The following ATAD2B variants were observed in gnomAD, a reference collection of about 807,000 sequenced individuals.
ATAD2B encodes ATPase family AAA domain-containing protein 2B.
ATAD2B carries 40 observed loss-of-function variants against 167.6 expected under a neutral mutation model. The observed-to-expected ratio is 0.24, with a 90% CI of 0.19 to 0.31. ATAD2B has a LOEUF of 0.31. Among genes scored for constraint, ATAD2B ranks in the 10% least tolerant of loss-of-function variants. ATAD2B has a pLI of 1.00. For synonymous variants in ATAD2B, 579 were observed against 596.5 expected (o/e 0.97, Z 0.43); for missense variants, 1,242 against 1,757.2 (o/e 0.71, Z 5.24).
At chr2:23,689,105 C>G in the ATAD2B span, 1 of 152,354 alleles carries the variant, frequency 6.6e-6, no homozygotes, top group African/African-American at 2.4e-5. Flanking sequence ...AGCCCTCGCC[C>G]TCTGGGGCCT....
At chr2:23,853,608 C>T (rs928576633) in intron 13 of ATAD2B, among the ~76,000 whole-genome samples, 21 of 152,142 alleles carry the variant, frequency 1.4e-4, no homozygotes, top group Non-Finnish European at 2.2e-4. Context: ...GACTGAAAGA[C>T]GAATAAGGAT....
chr2:23,880,771 CA>C lies in ATAD2B; in HGVS notation c.785-17del. 1 of 1,457,610 alleles carries C rather than the reference CA, an allele frequency of 6.9e-7. No individual in the cohort carries two copies. The highest frequency in any genetic ancestry group is 9.5e-7 in the Non-Finnish European group (1 of 1,052,284). 90.3% of individuals were successfully genotyped at this position (1,457,610 alleles called of 1,614,324 possible). A position where few individuals can be genotyped will look rare whatever the true frequency, so the allele number is the denominator to read the frequency against. ...TCTTGAGATTCTAGTTTCCCACACA[CA>C]AAAAGAAAAGAAAAAGGCATTATTT... On this transcript the variant is annotated splice_polypyrimidine_tract_variant and intron_variant, in intron 6 of 27. Coordinates refer to ENST00000238789, the MANE Select transcript of ATAD2B (RefSeq NM_017552.4).
intron 8 of ATAD2B, among the ~76,000 whole-genome samples, chr2:23,870,233 A>T (rs924765495): frequency 2.0e-5 from 3 of 151,002 alleles, no homozygotes; most frequent in Non-Finnish European, 4.4e-5. Context: ...GGAGAATAGA[A>T]AGCCTAAAGT....
chr2:23,742,200 C>G, the ATAD2B span, among the ~76,000 whole-genome samples: 2 of 152,206 alleles, frequency 1.3e-5, no homozygotes, highest in East Asian at 3.8e-4. Flanking sequence ...CATCCCATTA[C>G]TGGGTATATA....
At chr2:23,806,269 C>T (rs1052524562) in intron 18 of ATAD2B, 1 of 152,086 alleles carries the variant, frequency 6.6e-6, no homozygotes, top group Non-Finnish European at 1.5e-5. Flanking sequence ...ATTTGTTTTG[C>T]TTTTTCCCCT....
At chr2:23,720,689 A>G in the ATAD2B span, among the ~76,000 whole-genome samples, 1 of 151,876 alleles carries the variant, frequency 6.6e-6, no homozygotes, top group Non-Finnish European at 1.5e-5. Flanking sequence ...TTCCCATCAC[A>G]GGGAAAAGGT....
intron 1 of ATAD2B, among the ~76,000 whole-genome samples, chr2:23,918,683 T>C (rs148236927): frequency 3.1e-4 from 47 of 151,650 alleles, no homozygotes; most frequent in African/African-American, 1.1e-3. Context: ...AAACAGTAGG[T>C]ATACTTACAG....
the ATAD2B span, among the ~76,000 whole-genome samples, chr2:23,699,199 G>T: frequency 2.5e-4 from 38 of 152,306 alleles, no homozygotes; most frequent in African/African-American, 8.9e-4. Context: ...AGCTTCCTGG[G>T]CTCTGGGCTG....
intron 12 of ATAD2B, among the ~76,000 whole-genome samples, chr2:23,858,066 G>A (rs1304039102): frequency 6.6e-6 from 1 of 150,584 alleles, no homozygotes; most frequent in Non-Finnish European, 1.5e-5. Flanking sequence ...TTTTAAACAC[G>A]CATGATAGCA....
At chr2:23,767,606 A>G (rs1363657031) in intron 22 of ATAD2B, among the ~76,000 whole-genome samples, 2 of 152,228 alleles carry the variant, frequency 1.3e-5, no homozygotes, top group Admixed American at 6.5e-5. Context: ...AAAATCATTG[A>G]AAAGATCTGC....
At chr2:23,706,468 T>C in the ATAD2B span, 1 of 1,467,078 alleles carries the variant, frequency 6.8e-7, no homozygotes, top group African/African-American at 1.4e-5. Context: ...CTGTCCCCGC[T>C]TTCCCCCAAC....
In ATAD2B at chr2:23,913,826, G is replaced by A. The variant is rs570534563; in HGVS notation, c.216+12729C>T. On this transcript the variant is annotated intron_variant, in intron 1 of 27. Coordinates refer to ENST00000238789, the MANE Select transcript of ATAD2B (RefSeq NM_017552.4). ...TAGTATGAAAAATAGTATTGGCCTGGTAGAACGGCTCATGCCTGTAATCCC... is the reference window on the plus strand; with the variant it reads ...TAGTATGAAAAATAGTATTGGCCTGATAGAACGGCTCATGCCTGTAATCCC... Among the ~76,000 whole-genome samples the A allele has an allele frequency of 7.9e-5, 12 of 152,206 alleles. No individual in the cohort carries two copies. In the South Asian group the frequency reaches 2.1e-3, roughly 26 times the overall value.
At chr2:23,834,881 C>T (rs1235474442) in intron 13 of ATAD2B, among the ~76,000 whole-genome samples, 1 of 152,020 alleles carries the variant, frequency 6.6e-6, no homozygotes. Flanking sequence ...AGTGAGACCC[C>T]ATCTCCAAAA....
chr2:23,755,247 C>G (rs1431784461), intron 25 of ATAD2B, among the ~76,000 whole-genome samples: 2 of 152,144 alleles, frequency 1.3e-5, no homozygotes, highest in African/African-American at 4.8e-5. Context: ...AATTTCTTGT[C>G]TGTTACACTG....
chr2:23,838,972 G>A (rs1225428776), intron 13 of ATAD2B, among the ~76,000 whole-genome samples: 1 of 152,080 alleles, frequency 6.6e-6, no homozygotes, highest in Non-Finnish European at 1.5e-5. Context: ...TGCCAGTCAA[G>A]TTTTAATATT....
intron 8 of ATAD2B, among the ~76,000 whole-genome samples, chr2:23,874,177 G>C (rs1489335139): frequency 6.6e-6 from 1 of 150,550 alleles, no homozygotes; most frequent in African/African-American, 2.4e-5. Context: ...ACCAGGGAAG[G>C]CTCCATCCCA....
At chr2:23,714,629 T>C in the ATAD2B span, among the ~76,000 whole-genome samples, 3 of 151,310 alleles carry the variant, frequency 2.0e-5, no homozygotes, top group Admixed American at 2.0e-4. Flanking sequence ...TCAAGGCAGG[T>C]GAATCACTTG....
the ATAD2B span, chr2:23,685,409 CCT>C: frequency 6.6e-6 from 1 of 152,354 alleles, no homozygotes; most frequent in Non-Finnish European, 1.5e-5. Flanking sequence ...CGCCGCTGCT[CCT>C]CTTGCCTTGC....
chr2:23,807,828 A>ATATATAT (rs1414215585), intron 18 of ATAD2B, among the ~76,000 whole-genome samples: 1 of 119,042 alleles, frequency 8.4e-6, no homozygotes, highest in African/African-American at 3.4e-5. Context: ...AAAAAAAAAA[A>ATATATAT]ATATATATAT....
Sources: gnomAD v4.1 joint callset for allele counts (sites outside exome capture counted in the v4.1 genomes callset) on GRCh38, gnomAD v4.1.1 for gene constraint, MANE v1.5 for transcripts, NCBI Gene and HGNC (gene_info 2026-07-23, HGNC 2026-07-21) for gene names.